The following THRAP3 variants were observed in gnomAD, a reference collection of about 807,000 sequenced individuals.
THRAP3 encodes the protein thyroid hormone receptor-associated protein 3.
Under a neutral mutation model 101.0 loss-of-function variants are expected in THRAP3, and 16 were observed. The observed-to-expected ratio is 0.16, with a 90% CI of 0.11 to 0.24. The LOEUF is 0.24. Among genes scored for constraint, THRAP3 ranks in the 10% least tolerant of loss-of-function variants. The pLI, the probability that THRAP3 is intolerant of heterozygous loss-of-function variation, is 1.00. For missense variants in THRAP3, 989 were observed against 1,202.7 expected, an observed-to-expected ratio of 0.82 and a Z score of 2.63; for synonymous variants, 407 against 422.6, an observed-to-expected ratio of 0.96 and a Z score of 0.45.
upstream of THRAP3, among the ~76,000 whole-genome samples, chr1:36,223,502 G>A (rs1644920448): frequency 3.9e-5 from 6 of 152,200 alleles, no homozygotes; most frequent in South Asian, 1.2e-3. Flanking sequence ...CAGGCATAGG[G>A]AGGAGCTAGT....
At chr1:36,250,940 T>A (rs956797210) in intron 1 of THRAP3, among the ~76,000 whole-genome samples, 10 of 151,334 alleles carry the variant, frequency 6.6e-5, no homozygotes, top group African/African-American at 2.4e-4. Flanking sequence ...AGAGATGGGG[T>A]TTTACCATGT....
At chr1:36,225,918 A>G (rs1644956964) in intron 1 of THRAP3, among the ~76,000 whole-genome samples, 1 of 152,214 alleles carries the variant, frequency 6.6e-6, no homozygotes, top group African/African-American at 2.4e-5. Context: ...TGATTTGATT[A>G]AAAACCTCTA....
chr1:36,264,083 G>T (rs893829823), intron 2 of THRAP3, among the ~76,000 whole-genome samples: 5 of 152,104 alleles, frequency 3.3e-5, no homozygotes, highest in African/African-American at 1.2e-4. Flanking sequence ...TTTTTGAGAC[G>T]GAGTCTCGCT....
At chr1:36,229,179 C>T (rs536200142) in intron 1 of THRAP3, among the ~76,000 whole-genome samples, 1 of 152,078 alleles carries the variant, frequency 6.6e-6, no homozygotes, top group Non-Finnish European at 1.5e-5. Context: ...CTTGCTGCAA[C>T]CTCAGCCTCC....
chr1:36,225,810 T>A (rs538773403), intron 1 of THRAP3, among the ~76,000 whole-genome samples: 1 of 152,372 alleles, frequency 6.6e-6, no homozygotes, highest in East Asian at 1.9e-4. Flanking sequence ...AGATGTATTT[T>A]GTGAGCCAAT....
chr1:36,249,401 C>T (rs1645270760), intron 1 of THRAP3, among the ~76,000 whole-genome samples: 1 of 151,752 alleles, frequency 6.6e-6, no homozygotes, highest in Non-Finnish European at 1.5e-5. Flanking sequence ...CCGTGTTAGC[C>T]AGGATGATCT....
chr1:36,258,673 A>T (rs1645406361), intron 1 of THRAP3, among the ~76,000 whole-genome samples: 1 of 151,968 alleles, frequency 6.6e-6, no homozygotes, highest in Non-Finnish European at 1.5e-5. Context: ...TAGAGACGGG[A>T]TTCCACCATA....
In THRAP3 at chr1:36,270,571, G is replaced by GTTTTT. The variant is rs532301363; in HGVS notation, c.-32+11088_-32+11092dup. On this transcript the variant is annotated intron_variant, in intron 2 of 11. Transcript: ENST00000354618. Reference sequence around the variant, plus strand: ...TAAAAATACAGTTCTATTTGTTTAGGTTTTTGTTTTTTTTTTTTTTTTTGA... The same window carrying GTTTTT: ...TAAAAATACAGTTCTATTTGTTTAGGTTTTTTTTTTGTTTTTTTTTTTTTTTTTGA... 7.3e-3 allele frequency among the ~76,000 whole-genome samples: 232 copies of GTTTTT among 31,886 alleles called. 25 individuals carry two copies. Among genetic ancestry groups the GTTTTT allele is most frequent in the Middle Eastern group, 0.032 (2 of 62 alleles). The allele number at this position is 31,886 out of a possible 152,430, so 20.9% of individuals were successfully genotyped here.
intron 1 of THRAP3, chr1:36,225,429 C>T (rs894321631): frequency 1.3e-5 from 2 of 152,174 alleles, no homozygotes; most frequent in African/African-American, 4.8e-5. Flanking sequence ...GTCTTCATCT[C>T]CAGCTGCCTC....
chr1:36,245,167 CTTTT>C (rs765561233), intron 1 of THRAP3, among the ~76,000 whole-genome samples: 2 of 136,668 alleles, frequency 1.5e-5, no homozygotes, highest in Non-Finnish European at 1.6e-5. Context: ...CCATCCCAAT[CTTTT>C]TTTTTTTTTT....
At chr1:36,233,902 A>G (rs1020020360) in intron 1 of THRAP3, among the ~76,000 whole-genome samples, 2 of 152,218 alleles carry the variant, frequency 1.3e-5, no homozygotes, top group African/African-American at 4.8e-5. Context: ...TTCAATCAGA[A>G]CAGTTGTGCA....
At chr1:36,269,077 CT>C (rs1185601859) in intron 2 of THRAP3, among the ~76,000 whole-genome samples, 1 of 135,168 alleles carries the variant, frequency 7.4e-6, no homozygotes, top group African/African-American at 2.6e-5. Context: ...GGTATTTTGT[CT>C]TGGCAGTTAC....
At chr1:36,263,499 CGTTA>C (rs1645474339) in intron 2 of THRAP3, among the ~76,000 whole-genome samples, 1 of 152,058 alleles carries the variant, frequency 6.6e-6, no homozygotes, top group Non-Finnish European at 1.5e-5. Context: ...AACCACAGGT[CGTTA>C]GTTAATATAG....
chr1:36,295,395 G>C (rs898810666), intron 8 of THRAP3, among the ~76,000 whole-genome samples: 7 of 152,024 alleles, frequency 4.6e-5, no homozygotes, highest in Non-Finnish European at 7.4e-5. Context: ...CCTAGTGTGG[G>C]ATGTCCCGGA....
At position 36,300,838 on chromosome 1, in the gene THRAP3, T is replaced by C. The variant is rs369183044; in HGVS notation, c.2304-48T>C. On this transcript the variant is annotated intron_variant, in intron 9 of 11. Coordinates refer to ENST00000354618, the MANE Select transcript of THRAP3 (RefSeq NM_005119.4). The stretch of plus-strand genomic sequence containing the variant: ...TATCCATGAGGCCCCAGCCAAGCAG[T>C]GTCCCTTAGAAAGATGATTGATCAC... 54 of 1,594,214 alleles carry C rather than the reference T, an allele frequency of 3.4e-5. No homozygotes were observed. In the African/African-American group the frequency reaches 6.4e-4, roughly 19 times the overall value.
intron 1 of THRAP3, among the ~76,000 whole-genome samples, chr1:36,257,222 C>G (rs1186850161): frequency 1.3e-5 from 2 of 152,266 alleles, no homozygotes; most frequent in Non-Finnish European, 2.9e-5. Context: ...CGTCTCTGCT[C>G]AGCTGTCTCA....
intron 1 of THRAP3, among the ~76,000 whole-genome samples, chr1:36,237,997 AT>A (rs939915313): frequency 1.3e-5 from 2 of 150,968 alleles, no homozygotes; most frequent in African/African-American, 4.9e-5. Flanking sequence ...ATTTAGCAAA[AT>A]TTTTTTTTCT....
intron 7 of THRAP3, 73 bp from the exon 8 acceptor site, chr1:36,293,778 T>G: frequency 7.6e-7 from 1 of 1,324,180 alleles, no homozygotes; most frequent in African/African-American, 1.5e-5. Context: ...ATTAGCCAAC[T>G]TAAGAGCTAG....
At chr1:36,210,703 GTATATA>G in the THRAP3 span, among the ~76,000 whole-genome samples, 1 of 2,732 alleles carries the variant, frequency 3.7e-4, no homozygotes, top group African/African-American at 2.0e-3. Context: ...AAAAAAAAAA[GTATATA>G]TATATATATA....
Sources: gnomAD v4.1 joint callset for allele counts (sites outside exome capture counted in the v4.1 genomes callset) on GRCh38, gnomAD v4.1.1 for gene constraint, MANE v1.5 for transcripts, NCBI Gene and HGNC (gene_info 2026-07-23, HGNC 2026-07-21) for gene names.